The following PRMT9 variants were observed in gnomAD, a reference collection of about 807,000 sequenced individuals.
The protein encoded by PRMT9 is protein arginine methyltransferase 9, also known as protein arginine N-methyltransferase 9.
PRMT9 carries 59 observed loss-of-function variants against 83.2 expected under a neutral mutation model. The observed-to-expected ratio is 0.71, with a 90% CI of 0.57 to 0.88. The LOEUF (loss-of-function observed/expected upper bound fraction) is 0.88. Among genes scored for constraint, PRMT9 ranks in the 40% least tolerant of loss-of-function variants. PRMT9 has a pLI of 0.00. For synonymous variants in PRMT9, 333 were observed against 353.2 expected (o/e 0.94, Z 0.64); for missense variants, 947 against 1,021.9 (o/e 0.93, Z 1.00).
intron 9 of PRMT9, among the ~76,000 whole-genome samples, chr4:147,653,087 A>G (rs1215420507): frequency 4.6e-5 from 7 of 152,186 alleles, no homozygotes; most frequent in Non-Finnish European, 1.0e-4. Flanking sequence ...TCCTCTTCCT[A>G]GCCTTTTCAA....
At chr4:147,663,381 G>A (rs946532223) in intron 6 of PRMT9, among the ~76,000 whole-genome samples, 2 of 151,744 alleles carry the variant, frequency 1.3e-5, no homozygotes, top group African/African-American at 4.8e-5. Context: ...TTTTGTGTGT[G>A]AGACAAGGTC....
intron 6 of PRMT9, among the ~76,000 whole-genome samples, chr4:147,668,003 A>AGAG (rs58190310): frequency 1.3e-5 from 2 of 151,278 alleles, no homozygotes; most frequent in African/African-American, 2.4e-5. Flanking sequence ...AAAAAAAAAA[A>AGAG]TAAGACCAGT....
chr4:147,668,621 C>T lies in PRMT9; in HGVS notation c.871G>A (p.Glu291Lys), dbSNP rs1465736648. 6.2e-7 allele frequency: 1 copy of T among 1,609,730 alleles called. No homozygotes were observed. Residue 291 changes from glutamate (E) to lysine (K), a missense_variant, in exon 6 of 12, where the codon GAA (glutamate) becomes AAA (lysine). Transcript: ENST00000322396. Reference sequence around the variant, plus strand: ...GCTGGTATAACTTTCCCATACTTTTCACAATTAGCACTTTCACCTTTGGTC... The same window carrying T: ...GCTGGTATAACTTTCCCATACTTTTTACAATTAGCACTTTCACCTTTGGTC... Reference protein sequence around the residue: ...PKTKGESANCEKYGKVIPASA... With the variant: ...PKTKGESANCKKYGKVIPASA...
chr4:147,673,925 A>G, intron 2 of PRMT9, 51 bp from the exon 3 acceptor site: 1 of 1,421,842 alleles, frequency 7.0e-7, no homozygotes, highest in South Asian at 1.1e-5. Context: ...TATGCTACCA[A>G]CTGCAGTACC....
In PRMT9 at chr4:147,639,073, GT is replaced by G; in HGVS notation, c.2208del (p.Arg737ValfsTer14). On this transcript the variant is annotated frameshift_variant, in exon 11 of 12. Coordinates refer to ENST00000322396, the MANE Select transcript of PRMT9 (RefSeq NM_138364.4). LOFTEE classifies it high-confidence loss of function. ...AATGAGGATAGGTCCAAAAATACAC[GT>G]ATAGGTACCTAGAGAAAGTATAAAT... ...APFINQFQVP[I>X]RVFLDLSSLP... is the part of the protein sequence containing the mutation. The G allele has an allele frequency of 6.2e-7, 1 of 1,613,296 alleles. No homozygotes were observed. The highest frequency in any genetic ancestry group is 8.5e-7 in the Non-Finnish European group (1 of 1,179,472).
intron 7 of PRMT9, among the ~76,000 whole-genome samples, chr4:147,659,244 T>C (rs1734765379): frequency 7.2e-6 from 1 of 137,936 alleles, no homozygotes; most frequent in African/African-American, 2.8e-5. Context: ...CTACTAAAAA[T>C]ACAAAAATTA....
chr4:147,661,672 T>C (rs1389447906), intron 6 of PRMT9, among the ~76,000 whole-genome samples: 2 of 150,476 alleles, frequency 1.3e-5, no homozygotes, highest in Non-Finnish European at 2.9e-5. Context: ...CGCCTGTAGT[T>C]CCAGCTACTT....
At position 147,683,922 on chromosome 4, in the gene PRMT9, G is replaced by C. The variant is rs368827182; in HGVS notation, c.66C>G (p.Asp22Glu). Residue 22 changes from aspartate (D) to glutamate (E), a missense_variant, in exon 1 of 12, where the codon GAC (aspartate) becomes GAG (glutamate). Asp to Glu is a conservative substitution (Grantham distance 45, BLOSUM62 2). Transcript: ENST00000322396. Reference sequence around the variant, plus strand: ...TCTGCAAGGACCGCGACACCAGCTCGTCCCGGCCGGCTGCCCCAGCGCCAC... The same window carrying C: ...TCTGCAAGGACCGCGACACCAGCTCCTCCCGGCCGGCTGCCCCAGCGCCAC... ...AGGGAGAAGR[D>E]ELVSRSLQSA... is the part of the protein sequence containing the mutation. 4.3e-6 allele frequency: 7 copies of C among 1,612,992 alleles called. No individual in the cohort carries two copies. The highest frequency in any genetic ancestry group is 2.2e-5 in the East Asian group (1 of 44,874).
chr4:147,674,020 C>T (rs1735908340), intron 2 of PRMT9, 146 bp from the exon 3 acceptor site: 1 of 698,508 alleles, frequency 1.4e-6, no homozygotes, highest in African/African-American at 1.8e-5. Flanking sequence ...TTTTGGGAAG[C>T]TGTCTGTGAG....
Position 147,668,647 on chromosome 4 carries a change from T to TA in PRMT9, c.847-3dup, listed in dbSNP as rs746411620. ...ACAATTAGCACTTTCACCTTTGGTC[T>TA]AAAAAAAATAACAATAAGAATTATG... On this transcript the variant is annotated splice_polypyrimidine_tract_variant and splice_region_variant and intron_variant, in intron 5 of 11. Transcript: ENST00000322396. 3.8e-5 allele frequency: 58 copies of TA among 1,521,904 alleles called. No homozygotes were observed. The highest frequency in any genetic ancestry group is 6.8e-5 in the East Asian group (3 of 44,392). 94.3% of individuals were successfully genotyped at this position (1,521,904 alleles called of 1,614,324 possible). A position where few individuals can be genotyped will look rare whatever the true frequency, so the allele number is the denominator to read the frequency against.
intron 10 of PRMT9, among the ~76,000 whole-genome samples, chr4:147,640,061 CTTT>C (rs1185905675): frequency 4.0e-4 from 14 of 35,084 alleles, no homozygotes; most frequent in African/African-American, 1.2e-3. Flanking sequence ...CCACTCCTGT[CTTT>C]TTTTTTTTTT....
Position 147,670,695 on chromosome 4 carries a change from T to G in PRMT9, c.792A>C (p.Glu264Asp). 6.2e-7 allele frequency: 1 copy of G among 1,613,620 alleles called. No homozygotes were observed. Among genetic ancestry groups the G allele is most frequent in the Non-Finnish European group, 8.5e-7 (1 of 1,179,692 alleles). ...TETVDAGLFG[E>D]GIVESLIHAW... is the part of the protein sequence containing the mutation. Reference sequence around the variant, plus strand: ...CATGAATCAAACTCTCCACAATTCCTTCTCCAAATAAACCTGCATCGACAG... The same window carrying G: ...CATGAATCAAACTCTCCACAATTCCGTCTCCAAATAAACCTGCATCGACAG... The change falls in exon 5 of 12, where the codon GAA (glutamate) becomes GAC (aspartate). Residue 264 changes from glutamate (E) to aspartate (D), a missense_variant. Transcript: ENST00000322396.
At chr4:147,640,233 T>G (rs1334562123) in intron 10 of PRMT9, among the ~76,000 whole-genome samples, 1 of 151,602 alleles carries the variant, frequency 6.6e-6, no homozygotes, top group Non-Finnish European at 1.5e-5. Flanking sequence ...CCACCACACT[T>G]GGCTAATATT....
chr4:147,671,236 C>G (rs1321188492), intron 4 of PRMT9, among the ~76,000 whole-genome samples: 1 of 151,794 alleles, frequency 6.6e-6, no homozygotes, highest in Non-Finnish European at 1.5e-5. Flanking sequence ...CAGGAGAGAG[C>G]CCTCCTTCTC....
intron 10 of PRMT9, chr4:147,639,420 C>G (rs1299572547): frequency 3.4e-5 from 9 of 266,562 alleles, no homozygotes; most frequent in Admixed American, 2.0e-4. Flanking sequence ...AATTTTTAAC[C>G]CAAGGATTTG....
At chr4:147,642,726 G>C (rs1468877588) in intron 10 of PRMT9, 61 bp downstream of exon 10, 38 of 1,399,716 alleles carry the variant, frequency 2.7e-5, no homozygotes, top group Middle Eastern at 1.9e-4. Flanking sequence ...AGTGACTAAA[G>C]AGAGAGCGAT....
intron 2 of PRMT9, among the ~76,000 whole-genome samples, chr4:147,676,976 G>A (rs1374883833): frequency 6.0e-5 from 9 of 151,040 alleles, no homozygotes; most frequent in East Asian, 1.9e-4. Flanking sequence ...CCTGGGAGGC[G>A]GAGGTTGCAG....
intron 11 of PRMT9, 30 bp from the exon 12 acceptor site, chr4:147,638,777 C>A: frequency 6.6e-7 from 1 of 1,525,782 alleles, no homozygotes; most frequent in South Asian, 1.1e-5. Context: ...AGGAAAATAT[C>A]AGAGTGCATA....
At chr4:147,654,653 C>T in intron 8 of PRMT9, 87 bp from the exon 9 acceptor site, 1 of 841,944 alleles carries the variant, frequency 1.2e-6, no homozygotes, top group Middle Eastern at 2.4e-4. Flanking sequence ...CATCTAGCCC[C>T]CCATTCTTTA....
Sources: allele counts gnomAD v4.1 joint callset (sites outside exome capture counted in the v4.1 genomes callset), GRCh38; gene constraint gnomAD v4.1.1; transcripts MANE v1.5; gene names NCBI Gene and HGNC (gene_info 2026-07-23, HGNC 2026-07-21).